The following FBXW7 variants were observed in gnomAD, a reference collection of about 807,000 sequenced individuals.
FBXW7 encodes F-box and WD repeat domain containing 7.
FBXW7 carries 11 observed loss-of-function variants against 86.3 expected under a neutral mutation model. The ratio of observed to expected loss-of-function variants is 0.13; its 90% CI spans 0.08 to 0.21. The LOEUF is 0.21. FBXW7 is among the 10% of genes least tolerant of loss of function. The pLI is 1.00. For synonymous variants in FBXW7, 313 were observed against 297.9 expected (o/e 1.05, Z -0.52); for missense variants, 488 against 847.4 (o/e 0.58, Z 5.27).
At chr4:152,408,600 G>A (rs1379891431) in intron 4 of FBXW7, among the ~76,000 whole-genome samples, 2 of 152,178 alleles carry the variant, frequency 1.3e-5, no homozygotes, top group Admixed American at 1.3e-4. Context: ...GTAGTTAACT[G>A]AGCCCTCTGT....
At chr4:152,472,237 CG>C (rs1207650732) in intron 2 of FBXW7, among the ~76,000 whole-genome samples, 7 of 152,058 alleles carry the variant, frequency 4.6e-5, no homozygotes, top group Non-Finnish European at 1.0e-4. Context: ...GGAAACTGTT[CG>C]GAAGTGTCTA....
At chr4:152,356,826 T>G (rs1305349019) in intron 4 of FBXW7, among the ~76,000 whole-genome samples, 1 of 152,154 alleles carries the variant, frequency 6.6e-6, no homozygotes, top group Non-Finnish European at 1.5e-5. Flanking sequence ...CTAACACAAA[T>G]AGGTGGCAGT....
rs925109033 is a variant in FBXW7, at chr4:152,440,084, A to G, written c.-119-27555T>C. ...AAAAGGACTGGAGTGAGATATTCAA[A>G]ATGAGTCAAAATTAGGCAATAACAA... On this transcript the variant is annotated intron_variant, in intron 2 of 13. Transcript: ENST00000281708. Among the ~76,000 whole-genome samples the G allele has an allele frequency of 9.2e-5, 14 of 152,324 alleles. No homozygotes were observed. In the South Asian group the frequency reaches 1.2e-3, roughly 14 times the overall value.
chr4:152,346,746 T>C (rs1208412247), intron 6 of FBXW7, 184 bp downstream of exon 6: 1 of 726,482 alleles, frequency 1.4e-6, no homozygotes. Context: ...ATTCTGGACA[T>C]TTCATATAAA....
intron 2 of FBXW7, among the ~76,000 whole-genome samples, chr4:152,442,216 T>C (rs1483100017): frequency 1.3e-5 from 2 of 152,220 alleles, no homozygotes; most frequent in South Asian, 2.1e-4. Flanking sequence ...CAGGGTATTA[T>C]ATGCTTTCTC....
At chr4:152,329,635 A>C (rs1729370733) in intron 10 of FBXW7, 37 bp downstream of exon 10, 1 of 1,114,764 alleles carries the variant, frequency 9.0e-7, no homozygotes, top group African/African-American at 1.6e-5. Context: ...TATACACAAA[A>C]TTATGACTTT....
chr4:152,437,601 C>T (rs1224978900), intron 2 of FBXW7, among the ~76,000 whole-genome samples: 1 of 152,110 alleles, frequency 6.6e-6, no homozygotes, highest in Non-Finnish European at 1.5e-5. Context: ...GATAAACCAG[C>T]GGCAGGATTT....
chr4:152,507,981 T>C (rs1747585808), intron 2 of FBXW7, among the ~76,000 whole-genome samples: 1 of 151,046 alleles, frequency 6.6e-6, no homozygotes, highest in Non-Finnish European at 1.5e-5. Context: ...GGCAGGGGGA[T>C]CACTTGAGCC....
chr4:152,532,290 C>T (rs1276603613), intron 2 of FBXW7, among the ~76,000 whole-genome samples: 1 of 152,204 alleles, frequency 6.6e-6, no homozygotes, highest in African/African-American at 2.4e-5. Context: ...TTTCACTCCT[C>T]CTTCTGTATA....
chr4:152,478,600 T>C (rs1043436763), intron 2 of FBXW7, among the ~76,000 whole-genome samples: 1 of 152,116 alleles, frequency 6.6e-6, no homozygotes, highest in African/African-American at 2.4e-5. Context: ...AATTGTTGGA[T>C]GATACAATCA....
intron 2 of FBXW7, among the ~76,000 whole-genome samples, chr4:152,486,810 CTGTACACAATTATA>C (rs1382354949): frequency 1.3e-5 from 2 of 151,984 alleles, no homozygotes; most frequent in Non-Finnish European, 2.9e-5. Flanking sequence ...GTATTATGTA[CTGTACACAATTATA>C]TGTGCTATAC....
intron 2 of FBXW7, among the ~76,000 whole-genome samples, chr4:152,458,775 G>C (rs966519542): frequency 6.6e-6 from 1 of 152,192 alleles, no homozygotes; most frequent in Non-Finnish European, 1.5e-5. Flanking sequence ...AGAGCTTGCA[G>C]TATGGACACA....
intron 2 of FBXW7, among the ~76,000 whole-genome samples, chr4:152,509,866 T>C (rs773868468): frequency 6.6e-6 from 1 of 152,206 alleles, no homozygotes; most frequent in Non-Finnish European, 1.5e-5. Context: ...AGTCCATTTA[T>C]TACTGCTATA....
chr4:152,358,916 T>C (rs1732658719), intron 4 of FBXW7, among the ~76,000 whole-genome samples: 2 of 152,204 alleles, frequency 1.3e-5, no homozygotes, highest in African/African-American at 4.8e-5. Context: ...CCTTGGTCTC[T>C]GGTCCCAAGA....
intron 4 of FBXW7, among the ~76,000 whole-genome samples, chr4:152,380,058 A>T (rs1411572551): frequency 2.0e-5 from 3 of 152,112 alleles, no homozygotes; most frequent in Non-Finnish European, 4.4e-5. Context: ...ATAGTCTCAT[A>T]AGCAATAACT....
intron 4 of FBXW7, among the ~76,000 whole-genome samples, chr4:152,389,619 G>A (rs1392031274): frequency 6.6e-6 from 1 of 152,024 alleles, no homozygotes; most frequent in Admixed American, 6.6e-5. Flanking sequence ...GTGACATGCA[G>A]GGAGGATGCT....
chr4:152,327,496 A>T (rs1272004988), intron 11 of FBXW7, among the ~76,000 whole-genome samples: 1 of 152,036 alleles, frequency 6.6e-6, no homozygotes, highest in Admixed American at 6.6e-5. Context: ...ATAGGATTTT[A>T]ATAGGAGGGC....
chr4:152,403,440 T>C (rs993442814), intron 4 of FBXW7, among the ~76,000 whole-genome samples: 4 of 148,634 alleles, frequency 2.7e-5, no homozygotes, highest in African/African-American at 1.0e-4. Context: ...ATTGCACCAC[T>C]GCACTCCAGC....
intron 2 of FBXW7, among the ~76,000 whole-genome samples, chr4:152,483,250 G>A (rs1417966182): frequency 2.0e-5 from 3 of 151,590 alleles, no homozygotes; most frequent in South Asian, 2.1e-4. Context: ...TTTTTAGAAG[G>A]TCTTTATTAT....
Sources: allele counts gnomAD v4.1 joint callset (sites outside exome capture counted in the v4.1 genomes callset), GRCh38; gene constraint gnomAD v4.1.1; transcripts MANE v1.5; gene names NCBI Gene and HGNC (gene_info 2026-07-23, HGNC 2026-07-21).